The following RRH variants were observed in gnomAD, a reference collection of about 807,000 sequenced individuals.
RRH encodes the protein retinal pigment epithelium-derived rhodopsin homolog.
In RRH, 36 loss-of-function variants were observed where a neutral mutation model predicts 33.1. That is an observed-to-expected ratio of 1.09 (90% CI 0.83 to 1.44). RRH has a LOEUF of 1.44. RRH is among the 40% of genes most tolerant of loss of function. RRH has a pLI of 0.00. For missense variants in RRH, 393 were observed against 420.2 expected, an observed-to-expected ratio of 0.94 and a Z score of 0.57; for synonymous variants, 124 against 140.2, an observed-to-expected ratio of 0.88 and a Z score of 0.82.
chr4:109,829,392 G>T (rs1245037815), intron 1 of RRH, among the ~76,000 whole-genome samples: 1 of 148,522 alleles, frequency 6.7e-6, no homozygotes. Flanking sequence ...CAAGTGTTTG[G>T]TTTAGTTAGT....
Position 109,836,299 on chromosome 4 carries a change from C to T in RRH, c.551+139C>T, listed in dbSNP as rs1224783780. On this transcript the variant is annotated intron_variant, in intron 4 of 6. Coordinates refer to ENST00000317735, the MANE Select transcript of RRH (RefSeq NM_006583.5). The stretch of plus-strand genomic sequence containing the variant: ...TCCCTGGTAGTGATGATGTGATTCT[C>T]AGTTCAAAGACGGAATTGAGAAAAG... 6 of 910,558 alleles carry T rather than the reference C, an allele frequency of 6.6e-6. No individual in the cohort carries two copies. The East Asian group carries it at 1.3e-4, about 20-fold the overall frequency. 56.4% of individuals were successfully genotyped at this position (910,558 alleles called of 1,614,324 possible). A position where few individuals can be genotyped will look rare whatever the true frequency, so the allele number is the denominator to read the frequency against.
chr4:109,840,970 G>A (rs939899730), intron 5 of RRH, among the ~76,000 whole-genome samples: 1 of 151,690 alleles, frequency 6.6e-6, no homozygotes, highest in Non-Finnish European at 1.5e-5. Context: ...GTGATTATCT[G>A]CTAATCAAAA....
At chr4:109,830,383 G>A (rs1560583162) in intron 1 of RRH, among the ~76,000 whole-genome samples, 2 of 152,144 alleles carry the variant, frequency 1.3e-5, no homozygotes, top group East Asian at 3.8e-4. Flanking sequence ...GTAGCTAAGG[G>A]ACCACATAGG....
intron 4 of RRH, among the ~76,000 whole-genome samples, chr4:109,836,703 T>G (rs1450676933): frequency 6.6e-6 from 1 of 152,052 alleles, no homozygotes; most frequent in Non-Finnish European, 1.5e-5. Context: ...AAGGATGACA[T>G]AAACATGAAC....
At chr4:109,842,435 G>A (rs772774900) in intron 5 of RRH, 34 bp from the exon 6 acceptor site, 46 of 1,575,276 alleles carry the variant, frequency 2.9e-5, no homozygotes, top group Non-Finnish European at 1.2e-5. Flanking sequence ...AATATTTTAG[G>A]TATTGGGCTT....
At position 109,837,445 on chromosome 4, in the gene RRH, T is replaced by C. The variant is rs767055620; in HGVS notation, c.560T>C (p.Val187Ala). The change falls in exon 5 of 7, where the codon GTG (valine) becomes GCG (alanine). Residue 187 changes from valine to alanine, a missense_variant. Coordinates refer to ENST00000317735, the MANE Select transcript of RRH (RefSeq NM_006583.5). ...CCTTTTCTTATTTTCAGATCTTTTG[T>C]GTCTTACACCATGACAGTTATTGCG... ...INWRKNDRSF[V>A]SYTMTVIAIN... is the part of the protein sequence containing the mutation. 2.5e-6 allele frequency: 4 copies of C among 1,614,046 alleles called. No homozygotes were observed. In the South Asian group the frequency reaches 4.4e-5, roughly 18 times the overall value.
intron 2 of RRH, among the ~76,000 whole-genome samples, chr4:109,833,979 T>C (rs1470663171): frequency 6.6e-6 from 1 of 152,184 alleles, no homozygotes; most frequent in Non-Finnish European, 1.5e-5. Context: ...TCAGATTGTT[T>C]TTCTTTTTAA....
intron 4 of RRH, among the ~76,000 whole-genome samples, chr4:109,836,703 T>C (rs1450676933): frequency 6.6e-6 from 1 of 152,052 alleles, no homozygotes; most frequent in Non-Finnish European, 1.5e-5. Flanking sequence ...AAGGATGACA[T>C]AAACATGAAC....
At chr4:109,835,928 CACTT>C (rs1733872734) in intron 3 of RRH, 75 bp from the exon 4 acceptor site, 1 of 1,549,750 alleles carries the variant, frequency 6.5e-7, no homozygotes, top group South Asian at 1.1e-5. Flanking sequence ...TACTTGATAA[CACTT>C]ACAAATCAAG....
intron 3 of RRH, 40 bp downstream of exon 3, chr4:109,835,505 T>A: frequency 7.3e-7 from 1 of 1,365,316 alleles, no homozygotes; most frequent in Non-Finnish European, 1.0e-6. Context: ...AATCCATTTC[T>A]TGACTAATGG....
intron 1 of RRH, among the ~76,000 whole-genome samples, chr4:109,829,130 C>G (rs189122111): frequency 1.3e-5 from 2 of 151,890 alleles, no homozygotes; most frequent in South Asian, 2.1e-4. Context: ...TTCAAACATT[C>G]AAAAGTAGAG....
At chr4:109,841,126 T>A (rs1439755011) in intron 5 of RRH, among the ~76,000 whole-genome samples, 1 of 152,186 alleles carries the variant, frequency 6.6e-6, no homozygotes, top group Admixed American at 6.5e-5. Context: ...TTGTATCTTG[T>A]TTAAATGGAA....
intron 5 of RRH, among the ~76,000 whole-genome samples, chr4:109,842,135 G>A (rs1215460043): frequency 6.6e-6 from 1 of 152,040 alleles, no homozygotes; most frequent in East Asian, 1.9e-4. Context: ...GGGGTGGGGT[G>A]GGTTTTTATC....
At chr4:109,843,049 A>G (rs1216740192) in intron 6 of RRH, among the ~76,000 whole-genome samples, 6 of 152,244 alleles carry the variant, frequency 3.9e-5, no homozygotes. Flanking sequence ...GGACAAGGCA[A>G]CATTGGGCTC....
At position 109,835,930 on chromosome 4, in the gene RRH, C is replaced by T. The variant is rs1579361673; in HGVS notation, c.398-77C>T. ...TCTGTAAAGAATCTACTTGATAACA[C>T]TTACAAATCAAGCAAGTTTAAAAAG... is the stretch of plus-strand genomic sequence containing the variant. On this transcript the variant is annotated intron_variant, in intron 3 of 6. Coordinates refer to ENST00000317735, the MANE Select transcript of RRH (RefSeq NM_006583.5). The T allele has an allele frequency of 7.7e-6, 12 of 1,567,664 alleles. No homozygotes were observed. In the East Asian group the frequency reaches 2.7e-4, roughly 35 times the overall value.
intron 2 of RRH, among the ~76,000 whole-genome samples, chr4:109,835,148 A>C (rs1733852817): frequency 6.6e-6 from 1 of 152,188 alleles, no homozygotes; most frequent in Non-Finnish European, 1.5e-5. Context: ...TAAGTCTTAA[A>C]ATTTTCAAAA....
intron 1 of RRH, among the ~76,000 whole-genome samples, chr4:109,831,403 G>A (rs1269497171): frequency 6.6e-6 from 1 of 152,118 alleles, no homozygotes; most frequent in African/African-American, 2.4e-5. Flanking sequence ...AAATAAATCT[G>A]CTGTATGTCA....
At chr4:109,841,923 G>A (rs779321430) in intron 5 of RRH, among the ~76,000 whole-genome samples, 2 of 152,160 alleles carry the variant, frequency 1.3e-5, no homozygotes, top group African/African-American at 4.8e-5. Context: ...TGCATTGTGT[G>A]TAACATATAT....
Position 109,842,614 on chromosome 4 carries a change from A to G in RRH, c.866A>G (p.Tyr289Cys), listed in dbSNP as rs774028833. The change falls in exon 6 of 7, where the codon TAT becomes TGT. Residue 289 changes from tyrosine to cysteine, a missense_variant. Physicochemically the swap from Tyr to Cys is radical, Grantham distance 194. Coordinates refer to ENST00000317735, the MANE Select transcript of RRH (RefSeq NM_006583.5). ...APLFAKSSTF[Y>C]NPCIYVVANK... The stretch of plus-strand genomic sequence containing the variant: ...CTGTTTGCAAAATCTTCTACATTCT[A>G]TAACCCCTGCATTTATGTGGTTGCT... 5 of 1,613,924 alleles carry G rather than the reference A, an allele frequency of 3.1e-6. No homozygotes were observed. In the African/African-American group the frequency reaches 4.0e-5, roughly 13 times the overall value.
Sources: allele counts gnomAD v4.1 joint callset (sites outside exome capture counted in the v4.1 genomes callset), GRCh38; gene constraint gnomAD v4.1.1; transcripts MANE v1.5; gene names NCBI Gene and HGNC (gene_info 2026-07-23, HGNC 2026-07-21).